The following DLEC1 variants were observed in gnomAD, a reference collection of about 807,000 sequenced individuals.
DLEC1 encodes DLEC1 cilia and flagella associated protein.
A neutral mutation model predicts 198.1 loss-of-function variants in DLEC1; 146 were observed. The ratio of observed to expected loss-of-function variants is 0.74; its 90% CI spans 0.64 to 0.85. The LOEUF (loss-of-function observed/expected upper bound fraction) is 0.85. Among genes scored for constraint, DLEC1 ranks in the 40% least tolerant of loss-of-function variants. The pLI, the probability that DLEC1 is intolerant of heterozygous loss-of-function variation, is 0.00. For missense variants in DLEC1, 2,233 were observed against 2,220.0 expected, an observed-to-expected ratio of 1.01 and a Z score of -0.12; for synonymous variants, 897 against 866.8, an observed-to-expected ratio of 1.03 and a Z score of -0.61.
chr3:38,108,151 C>T (rs778790204), intron 20 of DLEC1, among the ~76,000 whole-genome samples: 8 of 152,214 alleles, frequency 5.3e-5, no homozygotes, highest in Admixed American at 6.5e-5. Context: ...CCCCATCCCT[C>T]GGGGCCTTCA....
chr3:38,092,251 T>C (rs1226928606), intron 10 of DLEC1, among the ~76,000 whole-genome samples: 1 of 152,186 alleles, frequency 6.6e-6, no homozygotes, highest in Non-Finnish European at 1.5e-5. Context: ...TGCGACAACA[T>C]GGATAAGTCT....
intron 19 of DLEC1, among the ~76,000 whole-genome samples, chr3:38,104,050 C>T (rs1000886543): frequency 6.6e-5 from 10 of 152,154 alleles, no homozygotes; most frequent in Admixed American, 2.0e-4. Flanking sequence ...CTCAATGCAG[C>T]GTTGTCACAA....
At chr3:38,104,387 G>A (rs1045234481) in intron 19 of DLEC1, among the ~76,000 whole-genome samples, 2 of 152,162 alleles carry the variant, frequency 1.3e-5, no homozygotes, top group Non-Finnish European at 2.9e-5. Flanking sequence ...AACGTGGGAG[G>A]CAGAGGCTGC....
In DLEC1 at chr3:38,116,612, C is replaced by A; in HGVS notation, c.4016C>A (p.Pro1339Gln). The change falls in exon 28 of 37, where the codon CCA (proline) becomes CAA (glutamine). Residue 1339 changes from proline to glutamine, a missense_variant. Pro to Gln is a moderately conservative substitution (Grantham distance 76). Coordinates refer to ENST00000308059, the MANE Select transcript of DLEC1 (RefSeq NM_007335.4). ...TPEGGCLLWS[P>Q]GPSSSSEFSH... Reference sequence around the variant, plus strand: ...GAGGGTGGCTGCCTCCTCTGGTCCCCAGGCCCCTCCAGTTCATCGGAATTC... The same window carrying A: ...GAGGGTGGCTGCCTCCTCTGGTCCCAAGGCCCCTCCAGTTCATCGGAATTC... 1 of 1,614,110 alleles carries A rather than the reference C, an allele frequency of 6.2e-7. No homozygotes were observed. Among genetic ancestry groups the A allele is most frequent in the Non-Finnish European group, 8.5e-7 (1 of 1,179,988 alleles).
chr3:38,041,410 C>T lies in DLEC1; in HGVS notation c.411+1774C>T, dbSNP rs78084891. Among the ~76,000 whole-genome samples, 744 of 152,168 alleles carry T rather than the reference C, an allele frequency of 4.9e-3. 9 individuals carry two copies. The highest frequency in any genetic ancestry group is 0.017 in the African/African-American group (714 of 41,492). On this transcript the variant is annotated intron_variant, in intron 1 of 36. Coordinates refer to ENST00000308059, the MANE Select transcript of DLEC1 (RefSeq NM_007335.4). ...CTTCCACCTCAGCCTCTCCAGATGC[C>T]GGTATTACAGGTGTGAGCCACTGTG...
chr3:38,068,233 A>T (rs201309649), intron 6 of DLEC1, among the ~76,000 whole-genome samples: 16 of 141,178 alleles, frequency 1.1e-4, no homozygotes, highest in East Asian at 2.2e-4. Flanking sequence ...CTTTTTTTTT[A>T]AAACCTTTTT....
At chr3:38,089,859 T>A (rs1362968282) in intron 10 of DLEC1, among the ~76,000 whole-genome samples, 2 of 152,134 alleles carry the variant, frequency 1.3e-5, no homozygotes, top group Non-Finnish European at 2.9e-5. Context: ...TAGTTCCAAA[T>A]AAGAAATACA....
chr3:38,056,606 G>A (rs756513371), intron 2 of DLEC1, among the ~76,000 whole-genome samples: 12 of 151,996 alleles, frequency 7.9e-5, no homozygotes, highest in Non-Finnish European at 1.3e-4. Flanking sequence ...CACCATGCCC[G>A]GCCAACTACA....
intron 6 of DLEC1, among the ~76,000 whole-genome samples, chr3:38,081,262 ACCTTTCCCG>A (rs1295245752): frequency 2.9e-5 from 4 of 137,722 alleles, no homozygotes; most frequent in Non-Finnish European, 4.7e-5. Context: ...TCTTTTCCCC[ACCTTTCCCG>A]CCTTTCTATT....
chr3:38,096,130 A>G (rs1250966552), intron 14 of DLEC1, among the ~76,000 whole-genome samples, 184 bp downstream of exon 14: 1 of 152,060 alleles, frequency 6.6e-6, no homozygotes, highest in African/African-American at 2.4e-5. Context: ...TGAGCACACT[A>G]AGCTCGCTAA....
Position 38,117,242 on chromosome 3 carries a change from T to C in DLEC1, c.4340T>C (p.Leu1447Pro). ...GAGATTCCAGGGAAGAGGCATCGCC[T>C]GCAGGACTTTGCGGTGGGACCCCTG... ...EREIPGKRHR[L>P]QDFAVGPLKL... The change falls in exon 31 of 37, where the codon CTG becomes CCG. Residue 1447 changes from leucine to proline, a missense_variant. Coordinates refer to ENST00000308059, the MANE Select transcript of DLEC1 (RefSeq NM_007335.4). 5 of 1,614,174 alleles carry C rather than the reference T, an allele frequency of 3.1e-6. No homozygotes were observed. The highest frequency in any genetic ancestry group is 4.2e-6 in the Non-Finnish European group (5 of 1,180,004).
intron 6 of DLEC1, among the ~76,000 whole-genome samples, chr3:38,067,801 G>A (rs1166823328): frequency 7.0e-6 from 1 of 142,398 alleles, no homozygotes; most frequent in African/African-American, 2.7e-5. Context: ...TACCCAAGCT[G>A]GAGTGCAGTT....
chr3:38,105,852 T>C (rs1226019297), intron 19 of DLEC1, among the ~76,000 whole-genome samples: 1 of 152,228 alleles, frequency 6.6e-6, no homozygotes, highest in Admixed American at 6.5e-5. Flanking sequence ...TCCTTGTGTT[T>C]CCTGCATTCC....
At chr3:38,053,247 G>A (rs1297900963) in intron 2 of DLEC1, among the ~76,000 whole-genome samples, 2 of 151,962 alleles carry the variant, frequency 1.3e-5, no homozygotes, top group African/African-American at 4.8e-5. Context: ...CTGCCTGGCC[G>A]CCCATCGTCT....
At chr3:38,040,065 A>G (rs945293892) in intron 1 of DLEC1, among the ~76,000 whole-genome samples, 1 of 152,142 alleles carries the variant, frequency 6.6e-6, no homozygotes, top group African/African-American at 2.4e-5. Flanking sequence ...CCTCTAGAAC[A>G]GCAACTCTGC....
intron 1 of DLEC1, among the ~76,000 whole-genome samples, chr3:38,039,923 G>A (rs1186966825): frequency 1.3e-5 from 2 of 152,200 alleles, no homozygotes; most frequent in African/African-American, 4.8e-5. Context: ...ATGAACGACT[G>A]CGGCAGACCG....
Position 38,088,371 on chromosome 3 carries a change from C to A in DLEC1, c.1648C>A (p.His550Asn), listed in dbSNP as rs1698574125. 6.2e-7 allele frequency: 1 copy of A among 1,613,768 alleles called. No individual in the cohort carries two copies. Among genetic ancestry groups the A allele is most frequent in the African/African-American group, 1.3e-5 (1 of 75,038 alleles). ...LPSVFELAPG[H>N]AILVEVLFSP... is the part of the protein sequence containing the mutation. ...TTCGGTGTTTGAGCTGGCCCCGGGA[C>A]ATGCTATATTAGTGGAGGTAGGTAA... is the stretch of plus-strand genomic sequence containing the variant. Residue 550 changes from histidine (H) to asparagine (N), a missense_variant, in exon 10 of 37, where the codon CAT becomes AAT. Transcript: ENST00000308059.
chr3:38,108,841 C>G (rs1459942697), intron 21 of DLEC1, among the ~76,000 whole-genome samples: 1 of 152,238 alleles, frequency 6.6e-6, no homozygotes, highest in Non-Finnish European at 1.5e-5. Flanking sequence ...AGATCCAGAG[C>G]AGAGCTGTTG....
Position 38,112,771 on chromosome 3 carries a change from A to G in DLEC1, c.3666+410A>G, listed in dbSNP as rs1699956191. On this transcript the variant is annotated intron_variant, in intron 25 of 36. Transcript: ENST00000308059. The surrounding 1 kb of genome is among the most constrained non-coding windows in gnomAD (Gnocchi z 4.8). ...TGGGGCTCACCCAGGGGTCCATTTA[A>G]TTGCTCCAGCACTCAGCATAAATGG... Among the ~76,000 whole-genome samples the G allele has an allele frequency of 6.6e-6, 1 of 152,026 alleles. No homozygotes were observed. Among genetic ancestry groups the G allele is most frequent in the East Asian group, 1.9e-4 (1 of 5,178 alleles).
Sources: allele counts gnomAD v4.1 joint callset (sites outside exome capture counted in the v4.1 genomes callset), GRCh38; gene constraint gnomAD v4.1.1; non-coding constraint Gnocchi (gnomAD v3.1); transcripts MANE v1.5; gene names NCBI Gene and HGNC (gene_info 2026-07-23, HGNC 2026-07-21).